CLIP1: variants seen among roughly 807,000 people sequenced by gnomAD.
CLIP1 encodes CAP-Gly domain containing linker protein 1.
In CLIP1, 66 loss-of-function variants were observed where a neutral mutation model predicts 161.6. The ratio of observed to expected loss-of-function variants is 0.41; its 90% confidence interval spans 0.33 to 0.50. The LOEUF (loss-of-function observed/expected upper bound fraction) is 0.50, where lower values mean the gene tolerates loss of function less well. Ranked by LOEUF, CLIP1 falls within the 20% of genes least tolerant of loss-of-function variation. The probability of loss-of-function intolerance (pLI) is 0.27; values close to 1 mark genes in which losing one functional copy is unlikely to be tolerated. For missense variants in CLIP1, 1,376 were observed against 1,702.0 expected (o/e 0.81, Z 3.37); for synonymous variants, 598 against 626.2 (o/e 0.96, Z 0.67).
chr12:122,292,230 T>C lies in CLIP1; in HGVS notation c.3595-3689A>G, dbSNP rs913090435. Among the ~76,000 whole-genome samples, 3 of 152,078 alleles carry C rather than the reference T, an allele frequency of 2.0e-5. No individual in the cohort carries two copies. The East Asian group carries it at 5.8e-4, about 29-fold the overall frequency. On this transcript the variant is annotated intron_variant, in intron 20 of 25. Coordinates refer to ENST00000620786, the MANE Select transcript of CLIP1 (RefSeq NM_001247997.2). ...ATTGGTCAGGCTGGTCTCGAACTCCTGGCCTCAAGCGATCTGCCCATCTTG... is the reference window on the plus strand; with the variant it reads ...ATTGGTCAGGCTGGTCTCGAACTCCCGGCCTCAAGCGATCTGCCCATCTTG...
intron 5 of CLIP1, among the ~76,000 whole-genome samples, chr12:122,356,717 C>T (rs1219249703): frequency 1.3e-5 from 2 of 152,150 alleles, no homozygotes; most frequent in East Asian, 1.9e-4. Flanking sequence ...GCTGCCATCT[C>T]GGCTCACTGC....
chr12:122,397,460 C>A (rs556516278), intron 1 of CLIP1, among the ~76,000 whole-genome samples: 1 of 139,138 alleles, frequency 7.2e-6, no homozygotes, highest in African/African-American at 2.7e-5. Flanking sequence ...ATTAGCCGGG[C>A]ATAGTGGTGC....
chr12:122,288,405 G>GT (rs1592981072), intron 21 of CLIP1, 84 bp downstream of exon 21: 2 of 1,204,436 alleles, frequency 1.7e-6, no homozygotes, highest in East Asian at 4.9e-5. Context: ...AAGGTCACTT[G>GT]TTTTCTACTA....
At chr12:122,385,336 G>A (rs1029262723) in intron 1 of CLIP1, among the ~76,000 whole-genome samples, 2 of 152,172 alleles carry the variant, frequency 1.3e-5, no homozygotes, top group Non-Finnish European at 2.9e-5. Context: ...ACAGTGAAAA[G>A]GAGTGACGGC....
At chr12:122,329,954 C>A (rs1307154899) in intron 15 of CLIP1, among the ~76,000 whole-genome samples, 1 of 151,946 alleles carries the variant, frequency 6.6e-6, no homozygotes, top group East Asian at 1.9e-4. Context: ...CCCATCTCTA[C>A]TAAAAATACA....
intron 5 of CLIP1, among the ~76,000 whole-genome samples, chr12:122,357,726 G>A (rs1215683437): frequency 2.0e-5 from 3 of 149,052 alleles, no homozygotes. Context: ...GCCCCGTCCG[G>A]GAGGTGAGGG....
At chr12:122,413,550 C>T (rs910456318) in intron 1 of CLIP1, among the ~76,000 whole-genome samples, 1 of 152,154 alleles carries the variant, frequency 6.6e-6, no homozygotes, top group Non-Finnish European at 1.5e-5. Context: ...CAAACAAACA[C>T]CAAACTGCTT....
At chr12:122,385,697 G>A (rs1254743606) in intron 1 of CLIP1, among the ~76,000 whole-genome samples, 1 of 152,124 alleles carries the variant, frequency 6.6e-6, no homozygotes, top group Non-Finnish European at 1.5e-5. Context: ...GTCAGTGGAT[G>A]TCGGCTGCAG....
At chr12:122,376,332 C>T (rs1223226821) in intron 3 of CLIP1, among the ~76,000 whole-genome samples, 3 of 152,126 alleles carry the variant, frequency 2.0e-5, no homozygotes, top group Non-Finnish European at 2.9e-5. Flanking sequence ...GGATTACAGG[C>T]GTAAGCCACC....
intron 2 of CLIP1, among the ~76,000 whole-genome samples, chr12:122,379,257 G>A (rs1232484480): frequency 6.6e-6 from 1 of 150,810 alleles, no homozygotes; most frequent in Non-Finnish European, 1.5e-5. Flanking sequence ...GCAGTGAGCC[G>A]AGATTGAGCC....
intron 4 of CLIP1, among the ~76,000 whole-genome samples, chr12:122,362,055 G>A (rs1953857822): frequency 6.6e-6 from 1 of 151,610 alleles, no homozygotes; most frequent in South Asian, 2.1e-4. Flanking sequence ...CCAGGTTCAA[G>A]CGATTCTCCT....
At chr12:122,384,288 GCTA>G (rs1955138578) in intron 1 of CLIP1, among the ~76,000 whole-genome samples, 1 of 152,096 alleles carries the variant, frequency 6.6e-6, no homozygotes, top group Non-Finnish European at 1.5e-5. Flanking sequence ...CATCAGTTCT[GCTA>G]CTACAAGAAT....
At chr12:122,350,437 C>T (rs1043645917) in intron 9 of CLIP1, among the ~76,000 whole-genome samples, 5 of 152,096 alleles carry the variant, frequency 3.3e-5, no homozygotes, top group African/African-American at 1.2e-4. Flanking sequence ...CACCTGCATA[C>T]CTAGTAATGC....
rs150455934 is a variant in CLIP1 at position 122,272,128 on chromosome 12, GTTTT to G, written c.*743_*746del. On this transcript the variant is annotated 3_prime_UTR_variant, in exon 26 of 26. Coordinates refer to ENST00000620786, the MANE Select transcript of CLIP1 (RefSeq NM_001247997.2). ...CCAAAAAGAAAGACACATTGTGTAT[GTTTT>G]TTTCCCAAAATATAGATTTTTAAAA... 1.3e-5 allele frequency: 2 copies of G among 152,224 alleles called. No individual in the cohort carries two copies. The highest frequency in any genetic ancestry group is 2.9e-5 in the Non-Finnish European group (2 of 68,006). The allele number at this position is 152,224 out of a possible 1,614,324, so 9.4% of individuals were successfully genotyped here.
Position 122,355,744 on chromosome 12 carries a change from G to T in CLIP1, c.1006-432C>A. On this transcript the variant is annotated intron_variant, in intron 5 of 25. Coordinates refer to ENST00000620786, the MANE Select transcript of CLIP1 (RefSeq NM_001247997.2). The surrounding 1 kb of genome is among the most constrained non-coding windows in gnomAD (Gnocchi z 4.1). ...TTCTCCTGCTTCAGCCTCCCAAGTA[G>T]CTGGGATCACAGGCGTGCACCACTA... is the stretch of plus-strand genomic sequence containing the variant. The T allele has an allele frequency of 5.7e-6, 1 of 174,946 alleles. No individual in the cohort carries two copies. The highest frequency in any genetic ancestry group is 1.2e-5 in the Non-Finnish European group (1 of 82,920). The allele number at this position is 174,946 out of a possible 1,614,324, so 10.8% of individuals were successfully genotyped here.
chr12:122,331,863 C>T (rs1186813243), intron 15 of CLIP1, among the ~76,000 whole-genome samples: 1 of 151,714 alleles, frequency 6.6e-6, no homozygotes, highest in Non-Finnish European at 1.5e-5. Context: ...GGTGTGGTGG[C>T]ACGTGCCTGT....
intron 1 of CLIP1, among the ~76,000 whole-genome samples, chr12:122,419,882 T>C (rs1331999001): frequency 7.5e-6 from 1 of 132,754 alleles, no homozygotes; most frequent in Admixed American, 8.9e-5. Context: ...GTTGCACCAC[T>C]GCACTCCAGC....
chr12:122,383,684 A>G (rs1955111153), intron 1 of CLIP1, among the ~76,000 whole-genome samples: 4 of 152,210 alleles, frequency 2.6e-5, no homozygotes, highest in Admixed American at 2.6e-4. Context: ...ATGCATTATT[A>G]ATGACTGGCA....
At chr12:122,275,594 G>A in intron 24 of CLIP1, 1 of 151,724 alleles carries the variant, frequency 6.6e-6, no homozygotes. Context: ...CTGGGCAACA[G>A]AGCAAGACTC....
Sources: gnomAD v4.1 joint callset for allele counts (sites outside exome capture counted in the v4.1 genomes callset) on GRCh38, gnomAD v4.1.1 for gene constraint, Gnocchi (gnomAD v3.1) non-coding constraint, MANE v1.5 for transcripts, NCBI Gene and HGNC (gene_info 2026-07-23, HGNC 2026-07-21) for gene names.